LY86: variants seen among roughly 807,000 people sequenced by gnomAD.
LY86 encodes the protein lymphocyte antigen 86.
LY86 carries 20 observed loss-of-function variants against 17.3 expected under a neutral mutation model. The ratio of observed to expected loss-of-function variants is 1.15; its 90% confidence interval spans 0.81 to 1.68. The LOEUF (loss-of-function observed/expected upper bound fraction) is 1.68. Ranked by LOEUF, LY86 falls within the 40% of genes most tolerant of loss-of-function variation. The probability of loss-of-function intolerance (pLI) is 0.00; values close to 1 mark genes in which losing one functional copy is unlikely to be tolerated. For missense variants in LY86, 200 were observed against 191.9 expected (o/e 1.04, Z -0.25); for synonymous variants, 74 against 70.6 (o/e 1.05, Z -0.24).
At chr6:6,626,951 G>T (rs1076673) in intron 3 of LY86, among the ~76,000 whole-genome samples, 54,319 of 152,014 alleles carry the variant, frequency 0.36, 12,512 homozygotes, top group African/African-American at 0.66. Context: ...CTACCTTTTC[G>T]GCAGTGCACC....
chr6:6,622,339 C>T (rs1422814571), intron 1 of LY86, among the ~76,000 whole-genome samples: 6 of 152,174 alleles, frequency 3.9e-5, no homozygotes, highest in South Asian at 4.1e-4. Context: ...CGTACTTAGC[C>T]TCTTTTATTT....
chr6:6,612,957 G>C (rs945592603), intron 1 of LY86, among the ~76,000 whole-genome samples: 1 of 151,802 alleles, frequency 6.6e-6, no homozygotes, highest in Non-Finnish European at 1.5e-5. Flanking sequence ...CAAACTCTGA[G>C]CTAGACACAG....
At chr6:6,609,961 C>T (rs1331829119) in intron 1 of LY86, among the ~76,000 whole-genome samples, 1 of 152,152 alleles carries the variant, frequency 6.6e-6, no homozygotes, top group Admixed American at 6.5e-5. Context: ...AGGGTGCTGG[C>T]CTCTATTTTT....
At chr6:6,611,803 T>C (rs1761344647) in intron 1 of LY86, among the ~76,000 whole-genome samples, 1 of 151,170 alleles carries the variant, frequency 6.6e-6, no homozygotes, top group Non-Finnish European at 1.5e-5. Flanking sequence ...CAAAAAGCTT[T>C]AACAATCGGA....
chr6:6,610,232 G>C (rs917182565), intron 1 of LY86, among the ~76,000 whole-genome samples: 1 of 152,218 alleles, frequency 6.6e-6, no homozygotes, highest in African/African-American at 2.4e-5. Flanking sequence ...ACGTGGTTCT[G>C]TAAGATGTTA....
chr6:6,613,554 C>G (rs150931070), intron 1 of LY86, among the ~76,000 whole-genome samples: 1 of 152,134 alleles, frequency 6.6e-6, no homozygotes, highest in Non-Finnish European at 1.5e-5. Flanking sequence ...CGGGGCCCGC[C>G]GATCCCACGC....
At chr6:6,637,258 A>T (rs761903771) in intron 3 of LY86, among the ~76,000 whole-genome samples, 2 of 151,998 alleles carry the variant, frequency 1.3e-5, no homozygotes, top group African/African-American at 4.8e-5. Context: ...TGATCAGCCC[A>T]CCTCGGCCTC....
intron 2 of LY86, 83 bp from the exon 3 acceptor site, chr6:6,626,210 C>A: frequency 7.3e-7 from 1 of 1,368,208 alleles, no homozygotes; most frequent in Non-Finnish European, 1.0e-6. Flanking sequence ...GGTTCTTTAG[C>A]TCATGCTGCT....
chr6:6,641,100 A>G (rs1762033319), intron 3 of LY86, among the ~76,000 whole-genome samples: 1 of 152,222 alleles, frequency 6.6e-6, no homozygotes, highest in Non-Finnish European at 1.5e-5. Flanking sequence ...TTCCCAGAAC[A>G]CGCTGACCCT....
In LY86 at chr6:6,654,937, G is replaced by A. The variant is rs1341430497; in HGVS notation, c.*310G>A. On this transcript the variant is annotated 3_prime_UTR_variant, in exon 5 of 5. Coordinates refer to ENST00000230568, the MANE Select transcript of LY86 (RefSeq NM_004271.4). ...GACTCACCTGCTTTTCAACTTTTTAGGAGTGCTTCCTCACAGTTACCAAGA... is the reference window on the plus strand; with the variant it reads ...GACTCACCTGCTTTTCAACTTTTTAAGAGTGCTTCCTCACAGTTACCAAGA... The A allele has an allele frequency of 3.1e-6, 1 of 318,506 alleles. No individual in the cohort carries two copies. The highest frequency in any genetic ancestry group is 5.7e-6 in the Non-Finnish European group (1 of 174,142). The allele number at this position is 318,506 out of a possible 1,614,324, so 19.7% of individuals were successfully genotyped here.
chr6:6,597,589 CAGA>C (rs952268459), intron 1 of LY86, among the ~76,000 whole-genome samples: 5 of 152,198 alleles, frequency 3.3e-5, no homozygotes, highest in African/African-American at 9.7e-5. Flanking sequence ...AAGTGGGCAA[CAGA>C]AGAAGCGTGG....
At chr6:6,637,289 G>T (rs1410346165) in intron 3 of LY86, among the ~76,000 whole-genome samples, 1 of 152,060 alleles carries the variant, frequency 6.6e-6, no homozygotes, top group African/African-American at 2.4e-5. Flanking sequence ...GGGATTACAG[G>T]CGTGAGCCAC....
intron 3 of LY86, among the ~76,000 whole-genome samples, chr6:6,635,407 C>T (rs1456628320): frequency 6.6e-6 from 1 of 152,084 alleles, no homozygotes; most frequent in African/African-American, 2.4e-5. Context: ...AGTATGGTCC[C>T]TCTTTCTCTT....
At chr6:6,600,149 C>T (rs1760852051) in intron 1 of LY86, among the ~76,000 whole-genome samples, 1 of 152,138 alleles carries the variant, frequency 6.6e-6, no homozygotes, top group African/African-American at 2.4e-5. Flanking sequence ...TTATTGTAAA[C>T]TTTACATAGA....
chr6:6,608,764 T>C (rs994486064), intron 1 of LY86, among the ~76,000 whole-genome samples: 2 of 152,246 alleles, frequency 1.3e-5, no homozygotes, highest in African/African-American at 2.4e-5. Flanking sequence ...AGGCCTTCTT[T>C]AAACTTTGCT....
At chr6:6,648,147 A>C (rs1762134079) in intron 3 of LY86, among the ~76,000 whole-genome samples, 1 of 151,936 alleles carries the variant, frequency 6.6e-6, no homozygotes, top group African/African-American at 2.4e-5. Context: ...CTGTGATCTC[A>C]TTCGTGTTCT....
intron 1 of LY86, among the ~76,000 whole-genome samples, chr6:6,607,445 C>T (rs1486055004): frequency 6.6e-6 from 1 of 151,802 alleles, no homozygotes; most frequent in Non-Finnish European, 1.5e-5. Context: ...GTAAGTACTA[C>T]CTGACTAGAA....
Position 6,618,965 on chromosome 6 carries a change from C to T in LY86, c.137-5961C>T, listed in dbSNP as rs1251930904. On this transcript the variant is annotated intron_variant, in intron 1 of 4. Transcript: ENST00000230568. The stretch of plus-strand genomic sequence containing the variant: ...ATGAGGGGAGGAGGAGGAGGGAACA[C>T]AGTGGCATTAAGGACAGAAAAGAAG... 2.6e-5 allele frequency among the ~76,000 whole-genome samples: 4 copies of T among 152,162 alleles called. No individual in the cohort carries two copies. In the East Asian group the frequency reaches 7.7e-4, roughly 29 times the overall value.
In LY86 at chr6:6,654,597, C is replaced by T. The variant is rs377039830; in HGVS notation, c.459C>T (p.Ala153=). The change falls in exon 5 of 5, where the codon GCC becomes GCT. Residue 153 remains alanine (A), a synonymous_variant. Coordinates refer to ENST00000230568, the MANE Select transcript of LY86 (RefSeq NM_004271.4). ...ACACTGAAAAACGGTCCACCGTGGCCTGTGCCAATGCTACTATCATGTGCT... is the reference window on the plus strand; with the variant it reads ...ACACTGAAAAACGGTCCACCGTGGCTTGTGCCAATGCTACTATCATGTGCT... ...ELYTEKRSTV[A]CANATIMCS is the part of the protein sequence containing the mutation. The T allele has an allele frequency of 1.1e-5, 18 of 1,614,078 alleles. No individual in the cohort carries two copies. Among genetic ancestry groups the T allele is most frequent in the Non-Finnish European group, 1.5e-5 (18 of 1,180,028 alleles).
Sources: allele counts gnomAD v4.1 joint callset (sites outside exome capture counted in the v4.1 genomes callset), GRCh38; gene constraint gnomAD v4.1.1; transcripts MANE v1.5; gene names NCBI Gene and HGNC (gene_info 2026-07-23, HGNC 2026-07-21).